Variants in GRID2 observed in about 807,000 individuals in gnomAD.
GRID2 encodes glutamate ionotropic receptor delta type subunit 2, also known as glutamate receptor ionotropic, delta-2.
Under a neutral mutation model 114.8 loss-of-function variants are expected in GRID2, and 33 were observed. The ratio of observed to expected loss-of-function variants is 0.29; its 90% CI spans 0.22 to 0.38. GRID2 has a LOEUF of 0.38. Ranked by LOEUF, GRID2 falls within the 10% of genes least tolerant of loss-of-function variation. GRID2 has a pLI of 1.00. For synonymous variants in GRID2, 505 were observed against 449.9 expected (o/e 1.12, Z -1.55); for missense variants, 1,184 against 1,257.7 (o/e 0.94, Z 0.89).
intron 2 of GRID2, among the ~76,000 whole-genome samples, chr4:92,596,452 CTA>C (rs1262133939): frequency 1.3e-5 from 2 of 152,052 alleles, no homozygotes; most frequent in Non-Finnish European, 2.9e-5. Context: ...TGCTGGATGT[CTA>C]TTCAGTGACT....
At chr4:92,835,617 A>C (rs1035079948) in intron 2 of GRID2, among the ~76,000 whole-genome samples, 8 of 152,086 alleles carry the variant, frequency 5.3e-5, no homozygotes, top group African/African-American at 1.9e-4. Flanking sequence ...CATAAGAAGA[A>C]TTTTTAAAAT....
At chr4:93,704,066 G>A (rs1441399912) in intron 14 of GRID2, among the ~76,000 whole-genome samples, 1 of 152,068 alleles carries the variant, frequency 6.6e-6, no homozygotes, top group South Asian at 2.1e-4. Context: ...CTGAGGAATC[G>A]CCACACTGAC....
At chr4:93,274,620 G>T (rs1751848524) in intron 8 of GRID2, among the ~76,000 whole-genome samples, 1 of 152,072 alleles carries the variant, frequency 6.6e-6, no homozygotes, top group South Asian at 2.1e-4. Flanking sequence ...TTGCCCGAGT[G>T]ACAGAGACTA....
Position 92,633,484 on chromosome 4 carries a change from C to T in GRID2, c.244+43198C>T, listed in dbSNP as rs574961965. Among the ~76,000 whole-genome samples, 34 of 152,188 alleles carry T rather than the reference C, an allele frequency of 2.2e-4. No homozygotes were observed. The South Asian group carries it at 6.4e-3, about 29-fold the overall frequency. On this transcript the variant is annotated intron_variant, in intron 2 of 15. Transcript: ENST00000282020. ...TTTTGTTAGATAGCAACAAATTTTT[C>T]ATTCAACTACATATAACGAATTCCT...
rs545180356 is a variant in GRID2 at position 92,563,825 on chromosome 4, A to G, written c.89-26306A>G. ...TACTCAGTTACCTTTACTTCTCTCT[A>G]CACCTTCTCATGGACCCTAGTGTTC... On this transcript the variant is annotated intron_variant, in intron 1 of 15. Coordinates refer to ENST00000282020, the MANE Select transcript of GRID2 (RefSeq NM_001510.4). Among the ~76,000 whole-genome samples the G allele has an allele frequency of 1.1e-4, 16 of 152,090 alleles. No homozygotes were observed. The South Asian group carries it at 3.3e-3, about 32-fold the overall frequency.
At chr4:93,724,751 T>A (rs932703222) in intron 14 of GRID2, among the ~76,000 whole-genome samples, 24 of 151,624 alleles carry the variant, frequency 1.6e-4, no homozygotes, top group African/African-American at 5.6e-4. Context: ...GAGAGAGAGG[T>A]CCTCACTGCA....
chr4:93,124,631 T>G (rs548831991), intron 4 of GRID2, among the ~76,000 whole-genome samples: 112 of 152,300 alleles, frequency 7.4e-4, no homozygotes, highest in African/African-American at 2.5e-3. Context: ...AAATACTTAC[T>G]GACAAAATCA....
At chr4:93,186,164 T>C (rs908108824) in intron 4 of GRID2, among the ~76,000 whole-genome samples, 6 of 152,164 alleles carry the variant, frequency 3.9e-5, no homozygotes, top group African/African-American at 9.7e-5. Flanking sequence ...GACATTTGGG[T>C]TGGTTCCAAG....
Position 92,795,104 on chromosome 4 carries a change from T to G in GRID2, c.244+204818T>G, listed in dbSNP as rs142613951. ...GAGGGGCAAGATCAGGAGGACTTTG[T>G]CTGGCTGTTTTAGGGTGGCAGAGCA... On this transcript the variant is annotated intron_variant, in intron 2 of 15. Coordinates refer to ENST00000282020, the MANE Select transcript of GRID2 (RefSeq NM_001510.4). Among the ~76,000 whole-genome samples the G allele has an allele frequency of 8.3e-3, 1,251 of 151,606 alleles. 54 individuals carry two copies. Among genetic ancestry groups the G allele is most frequent in the Admixed American group, 0.063 (953 of 15,140 alleles).
intron 1 of GRID2, among the ~76,000 whole-genome samples, chr4:92,406,619 T>G (rs1397236266): frequency 6.6e-6 from 1 of 151,814 alleles, no homozygotes; most frequent in Non-Finnish European, 1.5e-5. Context: ...TGTATGACAC[T>G]GAGGCTTAAG....
At chr4:92,957,436 C>T (rs199921478) in intron 2 of GRID2, among the ~76,000 whole-genome samples, 4 of 151,916 alleles carry the variant, frequency 2.6e-5, no homozygotes, top group African/African-American at 2.4e-5. Flanking sequence ...ATTGTCTTTT[C>T]GCCTTTGTCA....
intron 1 of GRID2, among the ~76,000 whole-genome samples, chr4:92,469,678 G>T (rs1433517862): frequency 6.6e-6 from 1 of 151,276 alleles, no homozygotes; most frequent in East Asian, 1.9e-4. Flanking sequence ...AGAAAGAAAG[G>T]CATAAAAATA....
At chr4:93,647,770 A>T (rs552923945) in intron 14 of GRID2, among the ~76,000 whole-genome samples, 2 of 152,214 alleles carry the variant, frequency 1.3e-5, no homozygotes, top group Non-Finnish European at 2.9e-5. Context: ...CCTATACTAT[A>T]ACATTCCCTA....
At chr4:93,298,926 A>G (rs1328024951) in intron 8 of GRID2, among the ~76,000 whole-genome samples, 1 of 152,236 alleles carries the variant, frequency 6.6e-6, no homozygotes, top group East Asian at 1.9e-4. Context: ...GTTGGGACTC[A>G]TTAGTGAGTA....
intron 4 of GRID2, among the ~76,000 whole-genome samples, chr4:93,170,281 G>A (rs28513308): frequency 0.054 from 8,213 of 151,988 alleles, 629 homozygotes; most frequent in African/African-American, 0.17. Context: ...ATGGGGTTTC[G>A]CCACGTTGGC....
chr4:93,557,383 A>T (rs1175431184), intron 13 of GRID2, among the ~76,000 whole-genome samples: 2 of 152,162 alleles, frequency 1.3e-5, no homozygotes, highest in African/African-American at 4.8e-5. Context: ...AAATAAAGGG[A>T]TGGAGGAATA....
chr4:92,987,435 ATGT>A (rs1027740819), intron 2 of GRID2, among the ~76,000 whole-genome samples: 1 of 151,238 alleles, frequency 6.6e-6, no homozygotes, highest in African/African-American at 2.4e-5. Context: ...ATTATTTATA[ATGT>A]TGTGGGGGTG....
At chr4:93,063,342 G>T (rs1727974191) in intron 2 of GRID2, among the ~76,000 whole-genome samples, 1 of 151,738 alleles carries the variant, frequency 6.6e-6, no homozygotes, top group Non-Finnish European at 1.5e-5. Flanking sequence ...TCCTTAATGG[G>T]TTTTGCATAG....
chr4:92,553,528 G>A (rs936916741), intron 1 of GRID2, among the ~76,000 whole-genome samples: 1 of 151,894 alleles, frequency 6.6e-6, no homozygotes, highest in Non-Finnish European at 1.5e-5. Context: ...TTTTTATAAT[G>A]TATATATTTT....
Sources: allele counts gnomAD v4.1 joint callset (sites outside exome capture counted in the v4.1 genomes callset), GRCh38; gene constraint gnomAD v4.1.1; transcripts MANE v1.5; gene names NCBI Gene and HGNC (gene_info 2026-07-23, HGNC 2026-07-21).